Variants in NCK1 observed in about 807,000 individuals in gnomAD.
NCK1 encodes SH2/SH3 adapter protein NCK1.
Under a neutral mutation model 36.6 loss-of-function variants are expected in NCK1, and 19 were observed. The observed-to-expected ratio is 0.52, with a 90% CI of 0.36 to 0.76. The LOEUF (loss-of-function observed/expected upper bound fraction) is 0.76. Among genes scored for constraint, NCK1 ranks in the 30% least tolerant of loss-of-function variants. The probability of loss-of-function intolerance (pLI) is 0.00; values close to 1 mark genes in which losing one functional copy is unlikely to be tolerated. For missense variants in NCK1, 358 were observed against 445.6 expected (o/e 0.80, Z 1.77); for synonymous variants, 165 against 156.0 (o/e 1.06, Z -0.43).
intron 1 of NCK1, among the ~76,000 whole-genome samples, chr3:136,915,516 G>T (rs1019752441): frequency 6.6e-6 from 1 of 152,156 alleles, no homozygotes; most frequent in Non-Finnish European, 1.5e-5. Context: ...AGGTCTTATG[G>T]CTTGCATAGG....
chr3:136,917,604 CAT>C (rs1395213411), intron 1 of NCK1, among the ~76,000 whole-genome samples: 1 of 152,150 alleles, frequency 6.6e-6, no homozygotes, highest in East Asian at 1.9e-4. Context: ...AAGGATAGTT[CAT>C]ATCTTACACT....
intron 1 of NCK1, among the ~76,000 whole-genome samples, chr3:136,911,993 A>G (rs1939837019): frequency 6.6e-6 from 1 of 151,952 alleles, no homozygotes; most frequent in Non-Finnish European, 1.5e-5. Context: ...CTTATATGTG[A>G]CAGATTACTC....
At chr3:136,887,535 C>T (rs540740946) in intron 1 of NCK1, among the ~76,000 whole-genome samples, 9 of 152,298 alleles carry the variant, frequency 5.9e-5, no homozygotes, top group Middle Eastern at 3.4e-3. Context: ...GCCTTAGTAT[C>T]GACTTGCAGT....
intron 1 of NCK1, among the ~76,000 whole-genome samples, chr3:136,902,951 C>G (rs1267836983): frequency 1.3e-5 from 2 of 151,756 alleles, no homozygotes; most frequent in Admixed American, 6.6e-5. Context: ...CTGTAAATGT[C>G]TGTTAGGTCT....
chr3:136,933,780 C>T (rs1236278880), intron 2 of NCK1, among the ~76,000 whole-genome samples: 1 of 152,134 alleles, frequency 6.6e-6, no homozygotes, highest in Non-Finnish European at 1.5e-5. Flanking sequence ...TCTCAGCTCA[C>T]TGCCACTTCT....
At position 136,934,512 on chromosome 3, in the gene NCK1, C is replaced by T. The variant is rs371078108; in HGVS notation, c.226+6285C>T. Among the ~76,000 whole-genome samples, 8 of 152,250 alleles carry T rather than the reference C, an allele frequency of 5.3e-5. No homozygotes were observed. In the East Asian group the frequency reaches 1.4e-3, roughly 26 times the overall value. ...TGTTGGCCAGGCTGGTCTCGAACTC[C>T]CAACCTCATGTGATCCATCCGCCTC... On this transcript the variant is annotated intron_variant, in intron 2 of 3. Coordinates refer to ENST00000481752, the MANE Select transcript of NCK1 (RefSeq NM_001291999.2).
At position 136,948,918 on chromosome 3, in the gene NCK1, T is replaced by C. The variant is rs1940898505; in HGVS notation, c.*465T>C. On this transcript the variant is annotated 3_prime_UTR_variant, in exon 4 of 4. Transcript: ENST00000481752. ...AATCTTTTCTGTGACTAAATAGCAA[T>C]AATAAGTGGAAAATTAGAAATTATT... 6.6e-6 allele frequency: 1 copy of C among 152,466 alleles called. No homozygotes were observed. Among genetic ancestry groups the C allele is most frequent in the African/African-American group, 2.4e-5 (1 of 41,438 alleles). 9.4% of individuals were successfully genotyped at this position (152,466 alleles called of 1,614,324 possible). A position where few individuals can be genotyped will look rare whatever the true frequency, so the allele number is the denominator to read the frequency against.
At chr3:136,879,382 C>T (rs1167078755) in intron 1 of NCK1, among the ~76,000 whole-genome samples, 1 of 152,040 alleles carries the variant, frequency 6.6e-6, no homozygotes, top group East Asian at 1.9e-4. Flanking sequence ...CTATGGGTAT[C>T]CTGGAAAAAT....
At chr3:136,884,551 G>A (rs1034804297) in intron 1 of NCK1, among the ~76,000 whole-genome samples, 14 of 151,862 alleles carry the variant, frequency 9.2e-5, no homozygotes, top group African/African-American at 3.4e-4. Context: ...GGCGATTCTT[G>A]TGCCTCAGCC....
chr3:136,925,358 T>C (rs143217976), intron 1 of NCK1, among the ~76,000 whole-genome samples: 28 of 152,348 alleles, frequency 1.8e-4, no homozygotes, highest in African/African-American at 6.3e-4. Context: ...TTGAGATCAT[T>C]ATAGATCCAC....
At position 136,948,394 on chromosome 3, in the gene NCK1, G is replaced by T; in HGVS notation, c.1075G>T (p.Ala359Ser). 1 of 1,612,910 alleles carries T rather than the reference G, an allele frequency of 6.2e-7. No homozygotes were observed. Among genetic ancestry groups the T allele is most frequent in the Non-Finnish European group, 8.5e-7 (1 of 1,179,206 alleles). Residue 359 changes from alanine (A) to serine (S), a missense_variant, in exon 4 of 4, where the codon GCA (alanine) becomes TCA (serine). Transcript: ENST00000481752. ...AGAACTTGTAGAACATTACAAAAAG[G>T]CACCAATTTTTACAAGTGAACAAGG... is the stretch of plus-strand genomic sequence containing the variant. ...MEELVEHYKK[A>S]PIFTSEQGEK...
chr3:136,891,095 C>T (rs1463907744), intron 1 of NCK1, among the ~76,000 whole-genome samples: 2 of 152,224 alleles, frequency 1.3e-5, no homozygotes, highest in Non-Finnish European at 2.9e-5. Context: ...TGGTACTGTT[C>T]CGTTGAATCT....
intron 1 of NCK1, among the ~76,000 whole-genome samples, chr3:136,905,482 G>A (rs1939659770): frequency 6.6e-6 from 1 of 151,584 alleles, no homozygotes; most frequent in South Asian, 2.1e-4. Flanking sequence ...TGAACTCCTG[G>A]CCTCAGGTGA....
chr3:136,870,728 AT>A (rs984111718), intron 1 of NCK1, among the ~76,000 whole-genome samples: 4 of 131,452 alleles, frequency 3.0e-5, no homozygotes, highest in Non-Finnish European at 6.3e-5. Flanking sequence ...GTCTTGCATG[AT>A]TTGGCTTTTG....
Position 136,923,103 on chromosome 3 carries a change from GTA to G in NCK1, c.-18-4879_-18-4878del, listed in dbSNP as rs1431166812. 1.3e-4 allele frequency among the ~76,000 whole-genome samples: 19 copies of G among 145,196 alleles called. No individual in the cohort carries two copies. In the East Asian group the frequency reaches 3.3e-3, roughly 25 times the overall value. ...CAGGCAATATAGTCTATGCCTATGT[GTA>G]TGTGTGTGTGTGTGTGCGCGCCTGT... On this transcript the variant is annotated intron_variant, in intron 1 of 3. Transcript: ENST00000481752.
At chr3:136,867,921 ATT>A (rs35762227) in intron 1 of NCK1, among the ~76,000 whole-genome samples, 23 of 148,946 alleles carry the variant, frequency 1.5e-4, no homozygotes, top group Admixed American at 2.7e-4. Context: ...TACATTGTAA[ATT>A]TTTTTTTTTT....
intron 1 of NCK1, among the ~76,000 whole-genome samples, chr3:136,886,745 AT>A: frequency 6.7e-6 from 1 of 148,806 alleles, no homozygotes; most frequent in East Asian, 2.0e-4. Context: ...AAGTTCGTTC[AT>A]TTTTTGTTTA....
chr3:136,874,229 G>T (rs552044716), intron 1 of NCK1, among the ~76,000 whole-genome samples: 14 of 152,292 alleles, frequency 9.2e-5, no homozygotes, highest in Non-Finnish European at 1.9e-4. Flanking sequence ...AGGCTGGAGT[G>T]CAGTGGTGCG....
chr3:136,941,055 T>C (rs1940658737), intron 2 of NCK1, among the ~76,000 whole-genome samples: 1 of 152,048 alleles, frequency 6.6e-6, no homozygotes, highest in Admixed American at 6.6e-5. Flanking sequence ...ATTTTGCTGT[T>C]TTCATTTACT....
Sources: gnomAD v4.1 joint callset for allele counts (sites outside exome capture counted in the v4.1 genomes callset) on GRCh38, gnomAD v4.1.1 for gene constraint, MANE v1.5 for transcripts, NCBI Gene and HGNC (gene_info 2026-07-23, HGNC 2026-07-21) for gene names.